DNAH14: variants seen among roughly 807,000 people sequenced by gnomAD.
DNAH14 encodes dynein axonemal heavy chain 14.
DNAH14 carries 478 observed loss-of-function variants against 520.9 expected under a neutral mutation model. The observed-to-expected ratio is 0.92, with a 90% CI of 0.85 to 0.99. DNAH14 has a LOEUF of 0.99. Among genes scored for constraint, DNAH14 ranks in the 50% least tolerant of loss-of-function variants. The pLI is 0.00. For synonymous variants in DNAH14, 1,581 were observed against 1,757.2 expected (o/e 0.90, Z 2.51); for missense variants, 4,831 against 5,234.5 (o/e 0.92, Z 2.38).
intron 56 of DNAH14, among the ~76,000 whole-genome samples, chr1:225,302,578 G>T (rs192080169): frequency 1.1e-4 from 17 of 152,320 alleles, no homozygotes; most frequent in African/African-American, 4.1e-4. Flanking sequence ...CCTGTTGCCA[G>T]TCTTGCCAAG....
Position 225,337,369 on chromosome 1 carries a change from A to G in DNAH14, c.10184A>G (p.His3395Arg). The G allele has an allele frequency of 6.4e-7, 1 of 1,551,696 alleles. No homozygotes were observed. The highest frequency in any genetic ancestry group is 8.7e-7 in the Non-Finnish European group (1 of 1,146,980). The change falls in exon 67 of 86, where the codon CAT becomes CGT. Residue 3395 changes from histidine (H) to arginine (R), a missense_variant. Coordinates refer to ENST00000682510, the MANE Select transcript of DNAH14 (RefSeq NM_001367479.1). ...CAGTGGCCACTGCTGATTGACCCAC[A>G]TAGGCAAGCTCACAAATGGATCCGT... is the stretch of plus-strand genomic sequence containing the variant. ...GQQWPLLIDP[H>R]RQAHKWIRQM...
rs1428254899 is a variant in DNAH14 at position 225,318,542 on chromosome 1, A to G, written c.9241-41A>G. The G allele has an allele frequency of 2.0e-6, 3 of 1,484,150 alleles. No individual in the cohort carries two copies. In the African/African-American group the frequency reaches 4.3e-5, roughly 21 times the overall value. The allele number at this position is 1,484,150 out of a possible 1,614,324, so 91.9% of individuals were successfully genotyped here. A position where few individuals can be genotyped will look rare whatever the true frequency, so the allele number is the denominator to read the frequency against. On this transcript the variant is annotated intron_variant, in intron 60 of 85. Coordinates refer to ENST00000682510, the MANE Select transcript of DNAH14 (RefSeq NM_001367479.1). ...ACAAAAATTTTAAATATGCAACTAT[A>G]TTGATTCATATGTGTTTGGGGACCT...
chr1:225,079,609 A>G, intron 18 of DNAH14, 61 bp downstream of exon 18: 1 of 1,302,272 alleles, frequency 7.7e-7, no homozygotes, highest in East Asian at 2.6e-5. Flanking sequence ...TAGTCTCGTA[A>G]GTCCAGGCAT....
chr1:225,373,333 T>TG (rs1156483661), intron 77 of DNAH14, among the ~76,000 whole-genome samples: 1 of 152,008 alleles, frequency 6.6e-6, no homozygotes, highest in Non-Finnish European at 1.5e-5. Flanking sequence ...AGCGTGGTGG[T>TG]GCGCGCCTGT....
intron 54 of DNAH14, among the ~76,000 whole-genome samples, chr1:225,289,599 G>T (rs963986543): frequency 1.3e-5 from 2 of 151,928 alleles, no homozygotes; most frequent in African/African-American, 4.8e-5. Flanking sequence ...TGGTTTATAA[G>T]CCTATCTGTG....
intron 46 of DNAH14, among the ~76,000 whole-genome samples, chr1:225,262,304 CTGTT>C (rs1369532540): frequency 6.6e-6 from 1 of 151,802 alleles, no homozygotes; most frequent in Non-Finnish European, 1.5e-5. Context: ...TCTGTGTACT[CTGTT>C]TATTATTTCT....
At chr1:225,110,390 T>C (rs1558989972) in intron 23 of DNAH14, among the ~76,000 whole-genome samples, 1 of 152,104 alleles carries the variant, frequency 6.6e-6, no homozygotes, top group African/African-American at 2.4e-5. Context: ...TATTTCTTCA[T>C]GATTCCTTCT....
rs1412055628 is a variant in DNAH14, at chr1:225,337,382, C to T, written c.10197C>T (p.His3399=). ...TGATTGACCCACATAGGCAAGCTCACAAATGGATCCGTCAGATGGAAGGAT... is the reference window on the plus strand; with the variant it reads ...TGATTGACCCACATAGGCAAGCTCATAAATGGATCCGTCAGATGGAAGGAT... The part of the protein sequence containing the change: ...PLLIDPHRQA[H]KWIRQMEGSR... Residue 3399 remains histidine (H), a synonymous_variant, in exon 67 of 86, where the codon CAC becomes CAT. Coordinates refer to ENST00000682510, the MANE Select transcript of DNAH14 (RefSeq NM_001367479.1). The T allele has an allele frequency of 1.3e-6, 2 of 1,551,484 alleles. No homozygotes were observed. Among genetic ancestry groups the T allele is most frequent in the Non-Finnish European group, 1.7e-6 (2 of 1,146,968 alleles).
At chr1:225,274,962 T>C (rs552107105) in intron 52 of DNAH14, among the ~76,000 whole-genome samples, 55 of 152,346 alleles carry the variant, frequency 3.6e-4, no homozygotes, top group Non-Finnish European at 6.6e-4. Flanking sequence ...ACTTTACATA[T>C]CATTATTCAC....
At chr1:225,049,181 C>T (rs1165905360) in intron 15 of DNAH14, among the ~76,000 whole-genome samples, 1 of 149,026 alleles carries the variant, frequency 6.7e-6, no homozygotes, top group East Asian at 2.0e-4. Context: ...GCTTCAACCT[C>T]CTGAGTAGCT....
rs752676591 is a variant in DNAH14 at position 225,368,033 on chromosome 1, G to A, written c.12318+1G>A. The A allele has an allele frequency of 6.5e-7, 1 of 1,543,238 alleles. No individual in the cohort carries two copies. Among genetic ancestry groups the A allele is most frequent in the African/African-American group, 1.4e-5 (1 of 72,846 alleles). ...TAAATTTAATTCTTCAGACTTGGGG[G>A]TAAGTGTAGTCTCTTCAAACAAACA... On this transcript the variant is annotated splice_donor_variant, in intron 77 of 85. Coordinates refer to ENST00000682510, the MANE Select transcript of DNAH14 (RefSeq NM_001367479.1). LOFTEE classifies it high-confidence loss of function.
At chr1:225,018,598 T>A (rs1292928364) in intron 10 of DNAH14, among the ~76,000 whole-genome samples, 2 of 152,104 alleles carry the variant, frequency 1.3e-5, no homozygotes, top group Non-Finnish European at 2.9e-5. Flanking sequence ...AGACACATAG[T>A]CATCAAATTC....
Position 224,960,169 on chromosome 1 carries a change from T to C in DNAH14, c.234T>C (p.Ser78=), listed in dbSNP as rs1471197703. The change falls in exon 4 of 86, where the codon AGT becomes AGC. Residue 78 remains serine (S), a synonymous_variant. Coordinates refer to ENST00000682510, the MANE Select transcript of DNAH14 (RefSeq NM_001367479.1). ...SEKTEDYLRE[S]IIQQHMVSPE... ...TATTTTCAGATTACCTTAGAGAAAG[T>C]ATAATTCAACAACATATGGTTTCTC... 2 of 1,592,142 alleles carry C rather than the reference T, an allele frequency of 1.3e-6. No individual in the cohort carries two copies.
chr1:225,192,182 A>C (rs1428434849), intron 37 of DNAH14, among the ~76,000 whole-genome samples: 2 of 152,040 alleles, frequency 1.3e-5, no homozygotes, highest in African/African-American at 4.8e-5. Flanking sequence ...ATATGTTTCT[A>C]CCTGTAATCT....
chr1:225,297,281 G>A (rs568811239), intron 55 of DNAH14, among the ~76,000 whole-genome samples: 1 of 151,970 alleles, frequency 6.6e-6, no homozygotes, highest in Admixed American at 6.5e-5. Flanking sequence ...TCCTGATTTT[G>A]TTGAGTTGTC....
At chr1:225,025,790 G>A (rs2066066533) in intron 11 of DNAH14, among the ~76,000 whole-genome samples, 1 of 152,014 alleles carries the variant, frequency 6.6e-6, no homozygotes, top group Non-Finnish European at 1.5e-5. Context: ...CCATAATGTT[G>A]TTTGAGAATA....
chr1:225,117,610 G>T, intron 23 of DNAH14, 74 bp from the exon 24 acceptor site: 2 of 911,774 alleles, frequency 2.2e-6, no homozygotes, highest in Non-Finnish European at 3.3e-6. Flanking sequence ...TGTAAGTATA[G>T]GTCAAAATGA....
At chr1:225,079,748 A>G (rs2072887790) in intron 18 of DNAH14, among the ~76,000 whole-genome samples, 200 bp downstream of exon 18, 6 of 135,990 alleles carry the variant, frequency 4.4e-5, no homozygotes, top group Non-Finnish European at 6.1e-5. Flanking sequence ...ATCTCGGCTC[A>G]CTGCAAGCTC....
At chr1:225,359,474 C>T (rs577156526) in intron 74 of DNAH14, among the ~76,000 whole-genome samples, 1 of 152,142 alleles carries the variant, frequency 6.6e-6, no homozygotes, top group African/African-American at 2.4e-5. Flanking sequence ...TGTCTTTGCA[C>T]TACAGATCCG....
Sources: allele counts gnomAD v4.1 joint callset (sites outside exome capture counted in the v4.1 genomes callset), GRCh38; gene constraint gnomAD v4.1.1; transcripts MANE v1.5; gene names NCBI Gene and HGNC (gene_info 2026-07-23, HGNC 2026-07-21).